Variants in GLB1L2 observed in about 807,000 individuals in gnomAD.
The protein encoded by GLB1L2 is beta-galactosidase-1-like protein 2.
Under a neutral mutation model 84.1 loss-of-function variants are expected in GLB1L2, and 68 were observed. The ratio of observed to expected loss-of-function variants is 0.81; its 90% CI spans 0.67 to 0.99. The LOEUF is 0.99. GLB1L2 is among the 50% of genes least tolerant of loss of function. The probability of loss-of-function intolerance (pLI) is 0.00; values close to 1 mark genes in which losing one functional copy is unlikely to be tolerated. For synonymous variants in GLB1L2, 290 were observed against 318.0 expected, an observed-to-expected ratio of 0.91 and a Z score of 0.94; for missense variants, 762 against 805.6, an observed-to-expected ratio of 0.95 and a Z score of 0.66.
chr11:134,371,806 G>A lies in GLB1L2; in HGVS notation c.1483G>A (p.Glu495Lys). Reference sequence around the variant, plus strand: ...GAATCGTGGGCGAGTCAACTATGGGGAGAATATTGATGACCAGCGCAAAGG... The same window carrying A: ...GAATCGTGGGCGAGTCAACTATGGGAAGAATATTGATGACCAGCGCAAAGG... ...VENRGRVNYG[E>K]NIDDQRKGLI... Residue 495 changes from glutamate to lysine, a missense_variant, in exon 15 of 19, where the codon GAG becomes AAG. Glu to Lys is a moderately conservative substitution (Grantham distance 56). Coordinates refer to ENST00000535456, the MANE Select transcript of GLB1L2 (RefSeq NM_001370461.1). 1 of 1,614,180 alleles carries A rather than the reference G, an allele frequency of 6.2e-7. No individual in the cohort carries two copies. Among genetic ancestry groups the A allele is most frequent in the Non-Finnish European group, 8.5e-7 (1 of 1,180,030 alleles).
intron 6 of GLB1L2, among the ~76,000 whole-genome samples, chr11:134,358,338 C>T (rs1943734620): frequency 6.6e-6 from 1 of 152,250 alleles, no homozygotes; most frequent in Non-Finnish European, 1.5e-5. Context: ...AGGCGCGTCT[C>T]TACTGTGAAG....
intron 5 of GLB1L2, among the ~76,000 whole-genome samples, chr11:134,351,469 C>T (rs996309210): frequency 5.3e-5 from 8 of 151,884 alleles, no homozygotes; most frequent in African/African-American, 1.9e-4. Flanking sequence ...CCTCAGCCTC[C>T]TGAATAGCTG....
intron 1 of GLB1L2, 91 bp from the exon 2 acceptor site, chr11:134,342,663 A>G (rs1282224231): frequency 7.7e-7 from 1 of 1,298,562 alleles, no homozygotes; most frequent in Non-Finnish European, 1.1e-6. Context: ...CGCCCTCGAG[A>G]GAGAAATGCC....
chr11:134,341,969 G>T (rs1024070667), intron 1 of GLB1L2, among the ~76,000 whole-genome samples: 22 of 98,192 alleles, frequency 2.2e-4, no homozygotes, highest in African/African-American at 7.1e-4. Flanking sequence ...CCCAGCACCG[G>T]CTCCTGCCCC....
intron 5 of GLB1L2, among the ~76,000 whole-genome samples, chr11:134,355,300 A>C (rs1943686375): frequency 6.6e-6 from 1 of 152,138 alleles, no homozygotes; most frequent in African/African-American, 2.4e-5. Context: ...ATCTTGCTCT[A>C]CTGAGTCTGG....
chr11:134,348,610 A>C (rs1409426707), intron 5 of GLB1L2, among the ~76,000 whole-genome samples: 3 of 152,214 alleles, frequency 2.0e-5, no homozygotes, highest in African/African-American at 7.2e-5. Context: ...AGTATACATA[A>C]CATAAACTTT....
chr11:134,372,245 A>C (rs748495087), intron 15 of GLB1L2, among the ~76,000 whole-genome samples: 3 of 152,154 alleles, frequency 2.0e-5, no homozygotes, highest in Non-Finnish European at 4.4e-5. Flanking sequence ...ATCTTGGGAA[A>C]GCTTATCTCA....
In GLB1L2 at chr11:134,353,957, A is replaced by G. The variant is rs367576292; in HGVS notation, c.559-2344A>G. Among the ~76,000 whole-genome samples the G allele has an allele frequency of 1.3e-3, 199 of 152,306 alleles. 1 individual carries two copies. The highest frequency in any genetic ancestry group is 4.7e-3 in the African/African-American group (194 of 41,566). ...GAAGTGAGTGTCTTGTAGATAGTAT[A>G]TAGTTGGATATCGGTTTGTTAAAAA... On this transcript the variant is annotated intron_variant, in intron 5 of 18. Coordinates refer to ENST00000535456, the MANE Select transcript of GLB1L2 (RefSeq NM_001370461.1).
At chr11:134,364,711 G>A (rs911040370) in intron 8 of GLB1L2, 11 of 328,234 alleles carry the variant, frequency 3.4e-5, no homozygotes, top group Middle Eastern at 8.2e-4. Flanking sequence ...GGATTGAGGG[G>A]GGAAGGAAAA....
chr11:134,354,973 A>G (rs866647818), intron 5 of GLB1L2, among the ~76,000 whole-genome samples: 4 of 152,164 alleles, frequency 2.6e-5, no homozygotes, highest in Non-Finnish European at 5.9e-5. Flanking sequence ...CCCATAATTC[A>G]TATATTATTC....
chr11:134,332,039 T>TC lies in GLB1L2; in HGVS notation c.-19dup. ...GTGCGGACTGGAGTGGGAACCCGGGTCCCCGCGCTTAGAGAACACGCGATG... is the reference window on the plus strand; with the variant it reads ...GTGCGGACTGGAGTGGGAACCCGGGTCCCCCGCGCTTAGAGAACACGCGATG... On this transcript the variant is annotated 5_prime_UTR_variant, in exon 1 of 19. Coordinates refer to ENST00000535456, the MANE Select transcript of GLB1L2 (RefSeq NM_001370461.1). The TC allele has an allele frequency of 6.6e-7, 1 of 1,514,940 alleles. No homozygotes were observed. Among genetic ancestry groups the TC allele is most frequent in the African/African-American group, 1.4e-5 (1 of 69,850 alleles). 93.8% of individuals were successfully genotyped at this position (1,514,940 alleles called of 1,614,324 possible).
At chr11:134,365,971 G>A (rs10894801) in intron 8 of GLB1L2, among the ~76,000 whole-genome samples, 39,580 of 152,178 alleles carry the variant, frequency 0.26, 5,689 homozygotes, top group East Asian at 0.5. Flanking sequence ...GCACTCTCCC[G>A]TTTAATTCTC....
chr11:134,347,420 T>A lies in GLB1L2; in HGVS notation c.545T>A (p.Val182Glu). The A allele has an allele frequency of 6.2e-7, 1 of 1,612,488 alleles. No individual in the cohort carries two copies. Among genetic ancestry groups the A allele is most frequent in the South Asian group, 1.1e-5 (1 of 91,040 alleles). ...TATTTTGACCACCTGATGTCCAGGGTGGTGCCACTCCAGGTACAAGCAAAT... is the reference window on the plus strand; with the variant it reads ...TATTTTGACCACCTGATGTCCAGGGAGGTGCCACTCCAGGTACAAGCAAAT... Reference protein sequence around the residue: ...DLYFDHLMSRVVPLQYKRGGP... With the variant: ...DLYFDHLMSREVPLQYKRGGP... Residue 182 changes from valine to glutamate, a missense_variant, in exon 5 of 19, where the codon GTG (valine) becomes GAG (glutamate). Physicochemically the swap from Val to Glu is moderately radical, Grantham distance 121. Around this residue, in one of 3 missense-constraint regions of GLB1L2, gnomAD observed 603 missense variants for 611.7 expected, o/e 0.99. Coordinates refer to ENST00000535456, the MANE Select transcript of GLB1L2 (RefSeq NM_001370461.1).
intron 5 of GLB1L2, among the ~76,000 whole-genome samples, chr11:134,355,772 G>A (rs554379391): frequency 3.2e-4 from 48 of 152,324 alleles, no homozygotes; most frequent in Non-Finnish European, 1.8e-4. Context: ...TCCAAACTAT[G>A]TTGACGATTC....
chr11:134,347,524 A>G (rs1340018232), intron 5 of GLB1L2, 91 bp downstream of exon 5: 5 of 875,172 alleles, frequency 5.7e-6, no homozygotes, highest in South Asian at 5.4e-5. Context: ...AGGGTCCTCC[A>G]GTGTTTTGAA....
intron 5 of GLB1L2, among the ~76,000 whole-genome samples, chr11:134,355,496 C>T (rs763138181): frequency 6.6e-6 from 1 of 152,144 alleles, no homozygotes; most frequent in Non-Finnish European, 1.5e-5. Context: ...CCCCTAAGCC[C>T]GGAGATCAGC....
Position 134,375,165 on chromosome 11 carries a change from G to T in GLB1L2, c.*107G>T. The T allele has an allele frequency of 1.2e-6, 1 of 807,958 alleles. No individual in the cohort carries two copies. Among genetic ancestry groups the T allele is most frequent in the Non-Finnish European group, 2.0e-6 (1 of 496,632 alleles). The allele number at this position is 807,958 out of a possible 1,614,324, so 50.0% of individuals were successfully genotyped here. On this transcript the variant is annotated 3_prime_UTR_variant, in exon 19 of 19. Transcript: ENST00000535456. ...CCTCACTGCAAAAGCATCTCCTTAA[G>T]TAGCAACCTCAGGGACTGGGGGCTA...
Position 134,373,828 on chromosome 11 carries a change from C to G in GLB1L2, c.1595+20C>G, listed in dbSNP as rs371018073. 12 of 1,522,352 alleles carry G rather than the reference C, an allele frequency of 7.9e-6. No homozygotes were observed. The highest frequency in any genetic ancestry group is 1.1e-5 in the Non-Finnish European group (12 of 1,098,552). The allele number at this position is 1,522,352 out of a possible 1,614,324, so 94.3% of individuals were successfully genotyped here. A position where few individuals can be genotyped will look rare whatever the true frequency, so the allele number is the denominator to read the frequency against. On this transcript the variant is annotated intron_variant, in intron 16 of 18. Coordinates refer to ENST00000535456, the MANE Select transcript of GLB1L2 (RefSeq NM_001370461.1). ...TCAGAGGTGGGTCCCTGCCCAGCACCAGCCCTTGCACTCACAGGTATAGTG... is the reference window on the plus strand; with the variant it reads ...TCAGAGGTGGGTCCCTGCCCAGCACGAGCCCTTGCACTCACAGGTATAGTG...
At chr11:134,366,034 C>G (rs1038042255) in intron 8 of GLB1L2, among the ~76,000 whole-genome samples, 7 of 152,162 alleles carry the variant, frequency 4.6e-5, no homozygotes, top group African/African-American at 1.7e-4. Flanking sequence ...TATAAGACAC[C>G]CTGTAAGTAG....
Sources: gnomAD v4.1 joint callset for allele counts (sites outside exome capture counted in the v4.1 genomes callset) on GRCh38, gnomAD v4.1.1 for gene constraint, gnomAD v4.1.1 regional missense constraint, MANE v1.5 for transcripts, NCBI Gene and HGNC (gene_info 2026-07-23, HGNC 2026-07-21) for gene names.